RBFOX3: variants seen among roughly 807,000 people sequenced by gnomAD.
RBFOX3 encodes RNA binding protein fox-1 homolog 3.
A neutral mutation model predicts 48.7 loss-of-function variants in RBFOX3; 17 were observed. The observed-to-expected ratio is 0.35, with a 90% confidence interval of 0.24 to 0.52. RBFOX3 has a LOEUF of 0.52. RBFOX3 is among the 20% of genes least tolerant of loss of function. The probability of loss-of-function intolerance (pLI) is 0.94; values close to 1 mark genes in which losing one functional copy is unlikely to be tolerated. For synonymous variants in RBFOX3, 212 were observed against 209.5 expected (o/e 1.01, Z -0.10); for missense variants, 382 against 497.5 (o/e 0.77, Z 2.21).
chr17:79,289,018 G>A (rs2072658748), intron 3 of RBFOX3, among the ~76,000 whole-genome samples: 1 of 152,042 alleles, frequency 6.6e-6, no homozygotes, highest in South Asian at 2.1e-4. Context: ...TGCATCCATG[G>A]GGACAGCTGG....
At chr17:79,096,599 T>G in intron 12 of RBFOX3, 54 bp downstream of exon 12, 1 of 1,468,186 alleles carries the variant, frequency 6.8e-7, no homozygotes, top group Non-Finnish European at 9.3e-7. Flanking sequence ...GACTTCTCAT[T>G]GAGACCCACA....
intron 1 of RBFOX3, among the ~76,000 whole-genome samples, chr17:79,580,628 C>G (rs2093027798): frequency 6.6e-6 from 1 of 152,178 alleles, no homozygotes; most frequent in African/African-American, 2.4e-5. Flanking sequence ...GTCGCAGACA[C>G]TCTTTAGAGC....
intron 2 of RBFOX3, among the ~76,000 whole-genome samples, chr17:79,429,579 C>T (rs2068039461): frequency 6.6e-6 from 1 of 152,064 alleles, no homozygotes; most frequent in Admixed American, 6.5e-5. Context: ...CTGCAGCTGC[C>T]GAGGTTGGGT....
In RBFOX3 at chr17:79,389,959, A is replaced by G. The variant is rs1406557777; in HGVS notation, c.-174-82135T>C. Among the ~76,000 whole-genome samples, 3 of 151,618 alleles carry G rather than the reference A, an allele frequency of 2.0e-5. No homozygotes were observed. The East Asian group carries it at 5.9e-4, about 30-fold the overall frequency. ...CCAGAGCCAGGTCTCCGCAGCCTCC[A>G]GGTCTCTGTAGCCTCCGGGTCTCCG... is the stretch of plus-strand genomic sequence containing the variant. On this transcript the variant is annotated intron_variant, in intron 2 of 14. Coordinates refer to ENST00000693108, the MANE Select transcript of RBFOX3 (RefSeq NM_001350451.2).
chr17:79,160,983 A>G (rs926325761), intron 4 of RBFOX3, among the ~76,000 whole-genome samples: 2 of 116,284 alleles, frequency 1.7e-5, no homozygotes, highest in African/African-American at 9.0e-5. Flanking sequence ...TCCATCTCAA[A>G]AAAAAAAAAA....
intron 2 of RBFOX3, among the ~76,000 whole-genome samples, chr17:79,372,485 C>T (rs2058696186): frequency 6.6e-6 from 1 of 151,220 alleles, no homozygotes; most frequent in Non-Finnish European, 1.5e-5. Flanking sequence ...TCCATGGCTC[C>T]GCCTCTGTGT....
chr17:79,445,580 G>A (rs2072077433), intron 2 of RBFOX3, among the ~76,000 whole-genome samples: 1 of 152,166 alleles, frequency 6.6e-6, no homozygotes, highest in Admixed American at 6.5e-5. Context: ...CTCCTCCCCT[G>A]TGATTTCCCT....
At chr17:79,148,095 C>A (rs188438726) in intron 4 of RBFOX3, among the ~76,000 whole-genome samples, 1 of 152,344 alleles carries the variant, frequency 6.6e-6, no homozygotes, top group African/African-American at 2.4e-5. Flanking sequence ...AGGGTGCGTG[C>A]GGCCCTAAAG....
Position 79,345,797 on chromosome 17 carries a change from A to G in RBFOX3, c.-174-37973T>C, listed in dbSNP as rs1034452241. Among the ~76,000 whole-genome samples the G allele has an allele frequency of 2.0e-5, 3 of 152,160 alleles. No individual in the cohort carries two copies. In the East Asian group the frequency reaches 5.8e-4, roughly 29 times the overall value. On this transcript the variant is annotated intron_variant, in intron 2 of 14. Coordinates refer to ENST00000693108, the MANE Select transcript of RBFOX3 (RefSeq NM_001350451.2). ...GACTTCACTTTTTCTAAACCATTCAATATATTGAATTAAAAAGCACTTATT... is the reference window on the plus strand; with the variant it reads ...GACTTCACTTTTTCTAAACCATTCAGTATATTGAATTAAAAAGCACTTATT...
intron 3 of RBFOX3, among the ~76,000 whole-genome samples, chr17:79,277,206 A>T (rs1439370740): frequency 6.7e-6 from 1 of 148,576 alleles, no homozygotes; most frequent in Non-Finnish European, 1.5e-5. Context: ...GGCTCTGTAC[A>T]CATGGCACAG....
chr17:79,660,801 A>G, the RBFOX3 span, among the ~76,000 whole-genome samples: 1 of 152,360 alleles, frequency 6.6e-6, no homozygotes, highest in Non-Finnish European at 1.5e-5. Flanking sequence ...AGGAATATAA[A>G]TCGTTCTATT....
At chr17:79,332,697 G>GAGAGACAAAGAGAGACGGAGAC (rs796957861) in intron 2 of RBFOX3, among the ~76,000 whole-genome samples, 80 of 73,308 alleles carry the variant, frequency 1.1e-3, no homozygotes, top group Non-Finnish European at 2.0e-3. Flanking sequence ...GACGGAGACA[G>GAGAGACAAAGAGAGACGGAGAC]AGAGAGAGAG....
chr17:79,370,675 T>G (rs368781062), intron 2 of RBFOX3, among the ~76,000 whole-genome samples: 4 of 150,938 alleles, frequency 2.7e-5, no homozygotes, highest in Non-Finnish European at 5.9e-5. Flanking sequence ...GGCACACACA[T>G]GTACACATCT....
intron 1 of RBFOX3, among the ~76,000 whole-genome samples, chr17:79,589,633 C>T (rs898373465): frequency 3.3e-5 from 5 of 152,184 alleles, no homozygotes; most frequent in Admixed American, 2.6e-4. Context: ...TTCCCTGGGA[C>T]GCCCTGGGGG....
chr17:79,262,812 T>A (rs576870783), intron 3 of RBFOX3, among the ~76,000 whole-genome samples: 1 of 152,362 alleles, frequency 6.6e-6, no homozygotes, highest in South Asian at 2.1e-4. Flanking sequence ...AACCAACCCA[T>A]ATGCCTTCAG....
intron 4 of RBFOX3, among the ~76,000 whole-genome samples, chr17:79,232,161 G>A (rs2061112671): frequency 6.6e-6 from 1 of 152,148 alleles, no homozygotes; most frequent in African/African-American, 2.4e-5. Flanking sequence ...TTTGACACAT[G>A]GGGATTACAA....
chr17:79,262,153 G>T (rs1009651349), intron 3 of RBFOX3, among the ~76,000 whole-genome samples: 1 of 152,236 alleles, frequency 6.6e-6, no homozygotes, highest in Non-Finnish European at 1.5e-5. Context: ...AAAGCCTCTC[G>T]TGGCCACAGC....
At chr17:79,505,362 G>A (rs2082950635) in intron 1 of RBFOX3, among the ~76,000 whole-genome samples, 2 of 152,154 alleles carry the variant, frequency 1.3e-5, no homozygotes, top group Non-Finnish European at 2.9e-5. Context: ...AGAGGTGGGT[G>A]TATAAATACC....
intron 2 of RBFOX3, among the ~76,000 whole-genome samples, chr17:79,347,854 TA>T (rs528792025): frequency 2.0e-5 from 3 of 152,056 alleles, no homozygotes; most frequent in African/African-American, 4.8e-5. Flanking sequence ...TTTGTTGCCT[TA>T]AAAAAAATGC....
Sources: allele counts gnomAD v4.1 joint callset (sites outside exome capture counted in the v4.1 genomes callset), GRCh38; gene constraint gnomAD v4.1.1; transcripts MANE v1.5; gene names NCBI Gene and HGNC (gene_info 2026-07-23, HGNC 2026-07-21).